KCNQ1: variants seen among roughly 807,000 people sequenced by gnomAD.
The protein encoded by KCNQ1 is potassium voltage-gated channel subfamily Q member 1.
A neutral mutation model predicts 72.4 loss-of-function variants in KCNQ1; 49 were observed. That is an observed-to-expected ratio of 0.68 (90% CI 0.54 to 0.86). KCNQ1 has a LOEUF of 0.86. Among genes scored for constraint, KCNQ1 ranks in the 40% least tolerant of loss-of-function variants. The pLI is 0.00. For synonymous variants in KCNQ1, 450 were observed against 412.6 expected, an observed-to-expected ratio of 1.09 and a Z score of -1.10; for missense variants, 790 against 945.1, an observed-to-expected ratio of 0.84 and a Z score of 2.15.
Position 2,752,203 on chromosome 11 carries a change from G to A in KCNQ1, c.1515-16641G>A, listed in dbSNP as rs1590068527. ...GCTGAACTGTGCTGAGTGTTACTGA[G>A]TTGAGGTGACTGGGTTGATTTTAGC... On this transcript the variant is annotated intron_variant, in intron 11 of 15. Transcript: ENST00000155840. This position sits in a 1 kb window ranked among gnomAD's most constrained non-coding sequence, Gnocchi z 5.2. Among the ~76,000 whole-genome samples the A allele has an allele frequency of 6.6e-6, 1 of 152,178 alleles. No individual in the cohort carries two copies. Among genetic ancestry groups the A allele is most frequent in the African/African-American group, 2.4e-5 (1 of 41,432 alleles).
chr11:2,535,434 T>C lies in KCNQ1; in HGVS notation c.477+7416T>C, dbSNP rs528208403. On this transcript the variant is annotated intron_variant, in intron 2 of 15. Coordinates refer to ENST00000155840, the MANE Select transcript of KCNQ1 (RefSeq NM_000218.3). ...AGGCTCAGAATCCACCAAGCGGAAC[T>C]TGAAGCCACTGCCCTGTGGGGACAG... 2.0e-5 allele frequency among the ~76,000 whole-genome samples: 3 copies of C among 152,344 alleles called. No individual in the cohort carries two copies. In the South Asian group the frequency reaches 6.2e-4, roughly 32 times the overall value.
At chr11:2,539,852 G>C (rs1175177057) in intron 2 of KCNQ1, among the ~76,000 whole-genome samples, 1 of 152,240 alleles carries the variant, frequency 6.6e-6, no homozygotes, top group Non-Finnish European at 1.5e-5. Context: ...TGAGTGCCAC[G>C]TTCGGTGGGG....
chr11:2,719,453 G>A (rs1252235955), intron 11 of KCNQ1, among the ~76,000 whole-genome samples: 1 of 151,582 alleles, frequency 6.6e-6, no homozygotes, highest in Non-Finnish European at 1.5e-5. Flanking sequence ...CATGATGACT[G>A]TGATTGACGT....
At position 2,828,160 on chromosome 11, in the gene KCNQ1, C is replaced by T. The variant is rs1847876332; in HGVS notation, c.1795-19607C>T. ...CAGAAAGGCACCCATGGGAACATGG[C>T]TCCTGGGAGCTGGAGGACCTCAGCA... On this transcript the variant is annotated intron_variant, in intron 15 of 15. Transcript: ENST00000155840. The surrounding 1 kb of genome is among the most constrained non-coding windows in gnomAD (Gnocchi z 5.3). Among the ~76,000 whole-genome samples, 1 of 152,174 alleles carries T rather than the reference C, an allele frequency of 6.6e-6. No individual in the cohort carries two copies. Among genetic ancestry groups the T allele is most frequent in the African/African-American group, 2.4e-5 (1 of 41,446 alleles).
At chr11:2,607,114 A>G (rs993325823) in intron 10 of KCNQ1, among the ~76,000 whole-genome samples, 3 of 151,922 alleles carry the variant, frequency 2.0e-5, no homozygotes, top group African/African-American at 7.3e-5. Context: ...CATATTAGCC[A>G]GTATGGTCTC....
At position 2,491,582 on chromosome 11, in the gene KCNQ1, G is replaced by A. The variant is rs771908373; in HGVS notation, c.387-36346G>A. Among the ~76,000 whole-genome samples the A allele has an allele frequency of 5.3e-5, 8 of 152,138 alleles. No individual in the cohort carries two copies. The highest frequency in any genetic ancestry group is 1.0e-4 in the Non-Finnish European group (7 of 68,020). Reference sequence around the variant, plus strand: ...CGAATGAAGCATGATCTAGAAAATAGCCTCAAAAGGGCAAATCTAAGATTT... The same window carrying A: ...CGAATGAAGCATGATCTAGAAAATAACCTCAAAAGGGCAAATCTAAGATTT... On this transcript the variant is annotated intron_variant, in intron 1 of 15. Coordinates refer to ENST00000155840, the MANE Select transcript of KCNQ1 (RefSeq NM_000218.3). The surrounding 1 kb of genome is among the most constrained non-coding windows in gnomAD (Gnocchi z 4.1).
At position 2,766,040 on chromosome 11, in the gene KCNQ1, G is replaced by A. The variant is rs566763501; in HGVS notation, c.1515-2804G>A. Reference sequence around the variant, plus strand: ...CACAGCTATTCTTTTCTACTCTGTCGTCCCTGCTATCCAACTCACCTATTG... The same window carrying A: ...CACAGCTATTCTTTTCTACTCTGTCATCCCTGCTATCCAACTCACCTATTG... On this transcript the variant is annotated intron_variant, in intron 11 of 15. Coordinates refer to ENST00000155840, the MANE Select transcript of KCNQ1 (RefSeq NM_000218.3). The surrounding 1 kb of genome is among the most constrained non-coding windows in gnomAD (Gnocchi z 4.4). Among the ~76,000 whole-genome samples, 6 of 151,974 alleles carry A rather than the reference G, an allele frequency of 3.9e-5. No individual in the cohort carries two copies. The highest frequency in any genetic ancestry group is 3.9e-4 in the East Asian group (2 of 5,174).
rs1850161588 is a variant in KCNQ1, at chr11:2,670,383, A to G, written c.1514+8302A>G. 1 of 398,312 alleles carries G rather than the reference A, an allele frequency of 2.5e-6. No homozygotes were observed. The highest frequency in any genetic ancestry group is 2.1e-5 in the African/African-American group (1 of 48,536). The allele number at this position is 398,312 out of a possible 1,614,324, so 24.7% of individuals were successfully genotyped here. A position where few individuals can be genotyped will look rare whatever the true frequency, so the allele number is the denominator to read the frequency against. ...TAGTATAGGCTGAAATTCCAAGAGC[A>G]TTAACCAGACACCTACTATGTGTAT... On this transcript the variant is annotated intron_variant, in intron 11 of 15. Coordinates refer to ENST00000155840, the MANE Select transcript of KCNQ1 (RefSeq NM_000218.3). The surrounding 1 kb of genome is among the most constrained non-coding windows in gnomAD (Gnocchi z 4.9).
At position 2,620,738 on chromosome 11, in the gene KCNQ1, T is replaced by C; in HGVS notation, c.1393+31884T>C. ...GGATTGCTGGGTCAGATGGTAGTTC[T>C]GTTTTCAGTTATTTGAGAAAACTCC... is the stretch of plus-strand genomic sequence containing the variant. On this transcript the variant is annotated intron_variant, in intron 10 of 15. Transcript: ENST00000155840. The surrounding 1 kb of genome is among the most constrained non-coding windows in gnomAD (Gnocchi z 4.5). 2.5e-6 allele frequency: 1 copy of C among 398,630 alleles called. No homozygotes were observed. Among genetic ancestry groups the C allele is most frequent in the Non-Finnish European group, 4.4e-6 (1 of 226,070 alleles). The allele number at this position is 398,630 out of a possible 1,614,324, so 24.7% of individuals were successfully genotyped here.
In KCNQ1 at chr11:2,537,968, G is replaced by A. The variant is rs1007424373; in HGVS notation, c.477+9950G>A. Reference sequence around the variant, plus strand: ...TGAGTTCAAACAATCCTCCCACCTCGGCCAACCCAAAGTGCTGAGATTATA... The same window carrying A: ...TGAGTTCAAACAATCCTCCCACCTCAGCCAACCCAAAGTGCTGAGATTATA... On this transcript the variant is annotated intron_variant, in intron 2 of 15. Transcript: ENST00000155840. The surrounding 1 kb of genome is among the most constrained non-coding windows in gnomAD (Gnocchi z 5.2). 4.6e-5 allele frequency among the ~76,000 whole-genome samples: 7 copies of A among 152,118 alleles called. No individual in the cohort carries two copies. Among genetic ancestry groups the A allele is most frequent in the Admixed American group, 3.3e-4 (5 of 15,278 alleles).
intron 2 of KCNQ1, among the ~76,000 whole-genome samples, chr11:2,556,414 G>A (rs909992479): frequency 4.5e-4 from 69 of 152,248 alleles, no homozygotes; most frequent in African/African-American, 1.6e-3. Context: ...CCAAGGGTCC[G>A]TAAACCATAG....
intron 12 of KCNQ1, among the ~76,000 whole-genome samples, chr11:2,773,510 G>A (rs1846636793): frequency 6.7e-6 from 1 of 148,212 alleles, no homozygotes; most frequent in African/African-American, 2.5e-5. Context: ...CTTACAGAAA[G>A]GAGGATCAGG....
rs1460166192 is a variant in KCNQ1 at position 2,509,591 on chromosome 11, GCA to G, written c.387-18336_387-18335del. Among the ~76,000 whole-genome samples, 3 of 152,310 alleles carry G rather than the reference GCA, an allele frequency of 2.0e-5. No homozygotes were observed. The East Asian group carries it at 5.8e-4, about 29-fold the overall frequency. On this transcript the variant is annotated intron_variant, in intron 1 of 15. Transcript: ENST00000155840. The surrounding 1 kb of genome is among the most constrained non-coding windows in gnomAD (Gnocchi z 6.3). ...GGCAGCTCCAGGTCCGGGTGTGAGG[GCA>G]GTAGTGCAGGTCGTGGTCCCAGATG...
chr11:2,648,801 G>A, intron 10 of KCNQ1: 1 of 398,458 alleles, frequency 2.5e-6, no homozygotes, highest in Non-Finnish European at 4.4e-6. Flanking sequence ...TGCTGAGTAT[G>A]AAATGTTGCC....
At chr11:2,665,762 C>T (rs950335609) in intron 11 of KCNQ1, 1 of 398,380 alleles carries the variant, frequency 2.5e-6, no homozygotes, top group African/African-American at 2.1e-5. Flanking sequence ...TGGAGAAGCC[C>T]TAGGATTGCT....
chr11:2,600,275 C>T lies in KCNQ1; in HGVS notation c.1393+11421C>T, dbSNP rs563090324. Among the ~76,000 whole-genome samples, 1 of 152,162 alleles carries T rather than the reference C, an allele frequency of 6.6e-6. No homozygotes were observed. Among genetic ancestry groups the T allele is most frequent in the Non-Finnish European group, 1.5e-5 (1 of 68,030 alleles). ...AGGGCAAAATTGCCCCCAGTTGTGA[C>T]CTGCTGAGCTAAAGCAGTCCCTCAG... On this transcript the variant is annotated intron_variant, in intron 10 of 15. Coordinates refer to ENST00000155840, the MANE Select transcript of KCNQ1 (RefSeq NM_000218.3). This position sits in a 1 kb window ranked among gnomAD's most constrained non-coding sequence, Gnocchi z 5.6.
intron 2 of KCNQ1, among the ~76,000 whole-genome samples, chr11:2,533,943 C>CG (rs1847684908): frequency 6.6e-6 from 1 of 152,214 alleles, no homozygotes; most frequent in African/African-American, 2.4e-5. Flanking sequence ...CCGTGAGCTG[C>CG]GGCCCCGGAG....
intron 11 of KCNQ1, chr11:2,692,245 A>C: frequency 2.5e-6 from 1 of 398,786 alleles, no homozygotes; most frequent in Admixed American, 4.4e-5. Context: ...CCTCAAGCCC[A>C]TCACCAAGCC....
intron 11 of KCNQ1, among the ~76,000 whole-genome samples, chr11:2,738,471 A>G (rs969170494): frequency 2.2e-4 from 33 of 152,186 alleles, no homozygotes; most frequent in African/African-American, 7.2e-4. Flanking sequence ...AGGGAATCTC[A>G]GGCTTCTGCT....
Sources: allele counts gnomAD v4.1 joint callset (sites outside exome capture counted in the v4.1 genomes callset), GRCh38; gene constraint gnomAD v4.1.1; non-coding constraint Gnocchi (gnomAD v3.1); transcripts MANE v1.5; gene names NCBI Gene and HGNC (gene_info 2026-07-23, HGNC 2026-07-21).